Variants in EPB41L2 observed in about 807,000 individuals in gnomAD.
The protein encoded by EPB41L2 is band 4.1-like protein 2.
EPB41L2 carries 43 observed loss-of-function variants against 113.0 expected under a neutral mutation model. The ratio of observed to expected loss-of-function variants is 0.38; its 90% CI spans 0.30 to 0.49. EPB41L2 has a LOEUF of 0.49. Among genes scored for constraint, EPB41L2 ranks in the 20% least tolerant of loss-of-function variants. The pLI is 0.95. For missense variants in EPB41L2, 1,147 were observed against 1,223.4 expected (o/e 0.94, Z 0.93); for synonymous variants, 442 against 436.7 (o/e 1.01, Z -0.15).
Position 130,869,866 on chromosome 6 carries a change from C to T in EPB41L2, c.2304G>A (p.Arg768=). The stretch of plus-strand genomic sequence containing the variant: ...CCTCTTCTTCATACTCCTGTTCCTC[C>T]CTGATGGTGCCCTCGGTCACTCGGT... ...PHHRVTEGTI[R]EEQEYEEEVE... The change falls in exon 15 of 20, where the codon AGG becomes AGA. Residue 768 remains arginine (R), a synonymous_variant. Coordinates refer to ENST00000337057, the MANE Select transcript of EPB41L2 (RefSeq NM_001431.4). 3 of 1,613,394 alleles carry T rather than the reference C, an allele frequency of 1.9e-6. No homozygotes were observed. Among genetic ancestry groups the T allele is most frequent in the South Asian group, 2.2e-5 (2 of 91,020 alleles).
At chr6:130,993,284 T>C (rs1782303678) in intron 1 of EPB41L2, among the ~76,000 whole-genome samples, 1 of 152,104 alleles carries the variant, frequency 6.6e-6, no homozygotes, top group South Asian at 2.1e-4. Flanking sequence ...CTAGTGGCTA[T>C]AGATAAGAGA....
chr6:130,906,000 T>G (rs1797623504), intron 5 of EPB41L2, among the ~76,000 whole-genome samples: 1 of 152,200 alleles, frequency 6.6e-6, no homozygotes, highest in Non-Finnish European at 1.5e-5. Context: ...GCTTTACACA[T>G]TTAAAACATA....
intron 18 of EPB41L2, among the ~76,000 whole-genome samples, chr6:130,861,175 C>A (rs566458980): frequency 9.2e-4 from 140 of 152,130 alleles, no homozygotes; most frequent in African/African-American, 3.2e-3. Flanking sequence ...CAGGTTCACA[C>A]CATTCTCCTG....
intron 3 of EPB41L2, among the ~76,000 whole-genome samples, chr6:130,934,993 A>G (rs1808312066): frequency 6.6e-6 from 1 of 152,148 alleles, no homozygotes; most frequent in Non-Finnish European, 1.5e-5. Flanking sequence ...GGAGGGAGAA[A>G]GGAAAACTTC....
intron 1 of EPB41L2, among the ~76,000 whole-genome samples, chr6:131,020,184 T>C (rs73774374): frequency 0.014 from 2,105 of 152,294 alleles, 57 homozygotes; most frequent in African/African-American, 0.045. Flanking sequence ...TTATCCTTTA[T>C]TGGGTGATTT....
chr6:130,986,886 T>C lies in EPB41L2; in HGVS notation c.-14-30387A>G, dbSNP rs1295193968. On this transcript the variant is annotated intron_variant, in intron 1 of 19. Transcript: ENST00000337057. ...CTCATTAAAGAAAAAAGAAACCTCATACTCCAGCTGTCACACCCCAGTACC... is the reference window on the plus strand; with the variant it reads ...CTCATTAAAGAAAAAAGAAACCTCACACTCCAGCTGTCACACCCCAGTACC... Among the ~76,000 whole-genome samples the C allele has an allele frequency of 2.6e-5, 4 of 152,352 alleles. No homozygotes were observed. In the South Asian group the frequency reaches 8.3e-4, roughly 32 times the overall value.
At chr6:131,000,001 T>C (rs1784015828) in intron 1 of EPB41L2, among the ~76,000 whole-genome samples, 1 of 152,226 alleles carries the variant, frequency 6.6e-6, no homozygotes, top group African/African-American at 2.4e-5. Context: ...CATTTCTGAA[T>C]GAATTTACCC....
rs144389356 is a variant in EPB41L2, at chr6:131,021,583, C to A, written c.-15+41572G>T. ...GCCTGAGGCAGGAGAATCCCTTGAA[C>A]CCGGGAGGCAGAGGTTGCAGTGAGC... On this transcript the variant is annotated intron_variant, in intron 1 of 19. Transcript: ENST00000337057. Among the ~76,000 whole-genome samples the A allele has an allele frequency of 8.5e-3, 1,294 of 152,156 alleles. 13 individuals carry two copies. The highest frequency in any genetic ancestry group is 0.029 in the African/African-American group (1,222 of 41,514).
rs1804781033 is a variant in EPB41L2 at position 130,926,494 on chromosome 6, CA to C, written c.810+110del. The C allele has an allele frequency of 6.4e-6, 5 of 776,878 alleles. No individual in the cohort carries two copies. In the African/African-American group the frequency reaches 7.2e-5, roughly 11 times the overall value. 48.1% of individuals were successfully genotyped at this position (776,878 alleles called of 1,614,324 possible). A position where few individuals can be genotyped will look rare whatever the true frequency, so the allele number is the denominator to read the frequency against. On this transcript the variant is annotated intron_variant, in intron 4 of 19. Coordinates refer to ENST00000337057, the MANE Select transcript of EPB41L2 (RefSeq NM_001431.4). ...TATTTACCAAATTTCACAGTGAAGTCATAATAAACACCTAAGTTATTTTAAA... is the reference window on the plus strand; with the variant it reads ...TATTTACCAAATTTCACAGTGAAGTCTAATAAACACCTAAGTTATTTTAAA...
chr6:130,873,746 G>A (rs937191141), intron 14 of EPB41L2, among the ~76,000 whole-genome samples: 3 of 151,840 alleles, frequency 2.0e-5, no homozygotes, highest in African/African-American at 4.8e-5. Context: ...GAATACAGGC[G>A]TGAGCCACCG....
chr6:130,972,572 A>G (rs1317553858), intron 1 of EPB41L2, among the ~76,000 whole-genome samples: 1 of 150,976 alleles, frequency 6.6e-6, no homozygotes, highest in African/African-American at 2.4e-5. Context: ...CAACACACAT[A>G]TTTGCCTTGA....
At chr6:130,985,327 G>A (rs1355480402) in intron 1 of EPB41L2, among the ~76,000 whole-genome samples, 2 of 151,754 alleles carry the variant, frequency 1.3e-5, no homozygotes, top group African/African-American at 4.9e-5. Context: ...CAAGTAGTAG[G>A]ACCATCCCGC....
intron 1 of EPB41L2, among the ~76,000 whole-genome samples, chr6:130,972,066 G>C (rs935770242): frequency 3.3e-5 from 5 of 152,284 alleles, no homozygotes; most frequent in South Asian, 2.1e-4. Flanking sequence ...GCTCATGCCT[G>C]TAACACCAGA....
chr6:131,002,099 A>T (rs1316411813), intron 1 of EPB41L2, among the ~76,000 whole-genome samples: 2 of 152,230 alleles, frequency 1.3e-5, no homozygotes, highest in Non-Finnish European at 2.9e-5. Context: ...TGAAGCCATG[A>T]TTACTGCCTC....
intron 11 of EPB41L2, among the ~76,000 whole-genome samples, chr6:130,889,419 A>T (rs1032634416): frequency 1.3e-5 from 2 of 152,158 alleles, no homozygotes; most frequent in Non-Finnish European, 2.9e-5. Flanking sequence ...GTTTATATAA[A>T]ACTACAAAAT....
Position 130,885,105 on chromosome 6 carries a change from A to C in EPB41L2, c.1824T>G (p.Ile608Met), listed in dbSNP as rs1405308495. Residue 608 changes from isoleucine to methionine, a missense_variant, in exon 12 of 20, where the codon ATT becomes ATG. Transcript: ENST00000337057. ...TGCTAATTTACCATACCTTTCCTTCAATGAGCTGCAAATGTGGGGCTTTAG... is the reference window on the plus strand; with the variant it reads ...TGCTAATTTACCATACCTTTCCTTCCATGAGCTGCAAATGTGGGGCTTTAG... The part of the protein sequence containing the change: ...SPTKAPHLQL[I>M]EGKKNSLRVE... 4 of 1,614,058 alleles carry C rather than the reference A, an allele frequency of 2.5e-6. No individual in the cohort carries two copies. Among genetic ancestry groups the C allele is most frequent in the African/African-American group, 1.3e-5 (1 of 75,036 alleles).
At chr6:130,999,841 AACTG>A (rs1783984581) in intron 1 of EPB41L2, among the ~76,000 whole-genome samples, 1 of 152,208 alleles carries the variant, frequency 6.6e-6, no homozygotes, top group South Asian at 2.1e-4. Flanking sequence ...AGACTGAGCT[AACTG>A]ACTGAAAGAT....
chr6:130,870,776 C>T (rs1174501921), intron 14 of EPB41L2, among the ~76,000 whole-genome samples: 2 of 150,720 alleles, frequency 1.3e-5, no homozygotes, highest in East Asian at 3.9e-4. Flanking sequence ...CTTAAATGAA[C>T]ACAGCACCAA....
chr6:130,921,320 T>C (rs1169492198), intron 4 of EPB41L2, among the ~76,000 whole-genome samples: 2 of 152,138 alleles, frequency 1.3e-5, no homozygotes, highest in Non-Finnish European at 2.9e-5. Flanking sequence ...ATCCAAAGAA[T>C]GATATTTGCT....
Sources: allele counts gnomAD v4.1 joint callset (sites outside exome capture counted in the v4.1 genomes callset), GRCh38; gene constraint gnomAD v4.1.1; transcripts MANE v1.5; gene names NCBI Gene and HGNC (gene_info 2026-07-23, HGNC 2026-07-21).